Variants in POGLUT3 observed in about 807,000 individuals in gnomAD.
POGLUT3 encodes the protein protein O-glucosyltransferase 3.
A neutral mutation model predicts 54.3 loss-of-function variants in POGLUT3; 48 were observed. That is an observed-to-expected ratio of 0.88 (90% CI 0.70 to 1.12). The LOEUF is 1.12. Ranked by LOEUF, POGLUT3 falls within the 50% of genes most tolerant of loss-of-function variation. The pLI is 0.00. For synonymous variants in POGLUT3, 218 were observed against 237.4 expected, an observed-to-expected ratio of 0.92 and a Z score of 0.75; for missense variants, 629 against 618.7, an observed-to-expected ratio of 1.02 and a Z score of -0.18.
intron 2 of POGLUT3, 28 bp from the exon 3 acceptor site, chr11:108,486,468 G>A (rs373087341): frequency 1.2e-5 from 20 of 1,606,504 alleles, no homozygotes; most frequent in South Asian, 4.4e-5. Flanking sequence ...GAAAAAGGCC[G>A]CACTCCATTA....
At chr11:108,497,844 A>G (rs1345593147) in intron 1 of POGLUT3, among the ~76,000 whole-genome samples, 1 of 152,178 alleles carries the variant, frequency 6.6e-6, no homozygotes, top group Non-Finnish European at 1.5e-5. Flanking sequence ...TCAGACAACT[A>G]AGTCCGAGAT....
chr11:108,482,537 A>C (rs7932489), intron 3 of POGLUT3, among the ~76,000 whole-genome samples: 1 of 152,042 alleles, frequency 6.6e-6, no homozygotes, highest in Non-Finnish European at 1.5e-5. Context: ...GTGGATCGTC[A>C]GGAGTTCAAG....
chr11:108,479,809 A>G (rs1231484119), intron 5 of POGLUT3, among the ~76,000 whole-genome samples: 1 of 151,990 alleles, frequency 6.6e-6, no homozygotes, highest in East Asian at 1.9e-4. Flanking sequence ...TAGGAAAACT[A>G]TTTTCTTTTT....
chr11:108,486,181 C>G lies in POGLUT3; in HGVS notation c.660G>C (p.Glu220Asp). ...KYTDFKMFSD[E>D]ILLSLTRKVL... ...CCTTTCTTGTCAATGATAACAAAAT[C>G]TCATCAGAGAACATCTTGAAGTCTG... The change falls in exon 3 of 8, where the codon GAG becomes GAC. Residue 220 changes from glutamate to aspartate, a missense_variant. Transcript: ENST00000323468. The G allele has an allele frequency of 6.8e-6, 11 of 1,610,072 alleles. No homozygotes were observed. The highest frequency in any genetic ancestry group is 7.6e-6 in the Non-Finnish European group (9 of 1,176,772).
chr11:108,487,158 A>T (rs1180385122), intron 2 of POGLUT3, among the ~76,000 whole-genome samples: 5 of 152,158 alleles, frequency 3.3e-5, no homozygotes, highest in Non-Finnish European at 5.9e-5. Flanking sequence ...ACCAACTGCC[A>T]ATCAGAAAAC....
chr11:108,480,063 T>C (rs1381465171), intron 5 of POGLUT3, among the ~76,000 whole-genome samples: 4 of 152,204 alleles, frequency 2.6e-5, no homozygotes, highest in African/African-American at 9.6e-5. Flanking sequence ...CTCAAACTCC[T>C]GACCTCAGGT....
At chr11:108,486,467 C>T (rs200547156) in intron 2 of POGLUT3, 27 bp from the exon 3 acceptor site, 116 of 1,607,212 alleles carry the variant, frequency 7.2e-5, no homozygotes, top group East Asian at 2.7e-4. Flanking sequence ...TGAAAAAGGC[C>T]GCACTCCATT....
chr11:108,488,526 G>A (rs541012292), intron 2 of POGLUT3, among the ~76,000 whole-genome samples: 1 of 152,152 alleles, frequency 6.6e-6, no homozygotes, highest in Admixed American at 6.5e-5. Context: ...AGTCCAGGGA[G>A]ACCAAGGCAG....
In POGLUT3 at chr11:108,486,573, G is replaced by A. The variant is rs1213954530; in HGVS notation, c.401-133C>T. On this transcript the variant is annotated intron_variant, in intron 2 of 7. Transcript: ENST00000323468. ...AATCTGCCCTAGACAAATCAGTGGTGTAAGTGATTATGTTAGAGTCCTACA... is the reference window on the plus strand; with the variant it reads ...AATCTGCCCTAGACAAATCAGTGGTATAAGTGATTATGTTAGAGTCCTACA... 12 of 871,572 alleles carry A rather than the reference G, an allele frequency of 1.4e-5. No individual in the cohort carries two copies. In the Admixed American group the frequency reaches 2.0e-4, roughly 15 times the overall value. The allele number at this position is 871,572 out of a possible 1,614,324, so 54.0% of individuals were successfully genotyped here.
At position 108,481,575 on chromosome 11, in the gene POGLUT3, T is replaced by TA. The variant is rs1159442623; in HGVS notation, c.902-200dup. Among the ~76,000 whole-genome samples the TA allele has an allele frequency of 6.6e-5, 10 of 152,128 alleles. No homozygotes were observed. The South Asian group carries it at 1.2e-3, about 19-fold the overall frequency. ...CAGAAGCACTTTCAAGTTTAGAGTT[T>TA]AAAAAAAACAGTCTTTTTATTTGCT... On this transcript the variant is annotated intron_variant, in intron 4 of 7. Coordinates refer to ENST00000323468, the MANE Select transcript of POGLUT3 (RefSeq NM_153705.5).
chr11:108,475,463 G>GTTTTTTTTTTTTTTTT lies in POGLUT3; in HGVS notation c.1399-512_1399-511insAAAAAAAAAAAAAAAA, dbSNP rs367899085. On this transcript the variant is annotated intron_variant, in intron 7 of 7. Transcript: ENST00000323468. ...TATTTCTATAAATGGAGTTTTTTTT[G>GTTTTTTTTTTTTTTTT]TTTTTGTTTTTTTTTTTTTTTGAGA... Among the ~76,000 whole-genome samples the GTTTTTTTTTTTTTTTT allele has an allele frequency of 6.4e-5, 7 of 109,924 alleles. 1 individual carries two copies. Among genetic ancestry groups the GTTTTTTTTTTTTTTTT allele is most frequent in the Admixed American group, 2.0e-4 (2 of 9,950 alleles). 72.1% of individuals were successfully genotyped at this position (109,924 alleles called of 152,430 possible). A position where few individuals can be genotyped will look rare whatever the true frequency, so the allele number is the denominator to read the frequency against.
At chr11:108,493,803 C>CAAAA (rs11351337) in intron 1 of POGLUT3, among the ~76,000 whole-genome samples, 20 of 82,024 alleles carry the variant, frequency 2.4e-4, no homozygotes, top group Non-Finnish European at 2.9e-4. Flanking sequence ...GACTCTGTCT[C>CAAAA]AAAAAAAAAA....
rs771530413 is a variant in POGLUT3 at position 108,486,457 on chromosome 11, T to C, written c.401-17A>G. The C allele has an allele frequency of 6.2e-7, 1 of 1,608,596 alleles. No homozygotes were observed. Among genetic ancestry groups the C allele is most frequent in the East Asian group, 2.2e-5 (1 of 44,764 alleles). On this transcript the variant is annotated splice_polypyrimidine_tract_variant and intron_variant, in intron 2 of 7. Coordinates refer to ENST00000323468, the MANE Select transcript of POGLUT3 (RefSeq NM_153705.5). The stretch of plus-strand genomic sequence containing the variant: ...ACACTGGTCCTAGGGAAGGAAAACA[T>C]GAAAAAGGCCGCACTCCATTAGCAA...
chr11:108,472,828 C>A lies in POGLUT3; in HGVS notation c.*1999G>T, dbSNP rs886999861. 6.6e-6 allele frequency: 1 copy of A among 152,164 alleles called. No homozygotes were observed. Among genetic ancestry groups the A allele is most frequent in the African/African-American group, 2.4e-5 (1 of 41,444 alleles). The allele number at this position is 152,164 out of a possible 1,614,324, so 9.4% of individuals were successfully genotyped here. ...AAATTCATTAGGTATGGGCTCAGGA[C>A]AGCTTGCTCTTATTTAATACTTGCG... On this transcript the variant is annotated 3_prime_UTR_variant, in exon 8 of 8. Coordinates refer to ENST00000323468, the MANE Select transcript of POGLUT3 (RefSeq NM_153705.5).
Position 108,479,364 on chromosome 11 carries a change from C to T in POGLUT3, c.1230G>A (p.Trp410Ter). Residue 410 changes from tryptophan to a stop codon, truncating the protein, a stop_gained, in exon 6 of 8, where the codon TGG becomes TGA. Transcript: ENST00000323468. LOFTEE classifies it high-confidence loss of function. ...YEHFYMALEP[W>*]KHYVPIKRNL... ...TTCTTTTAATTGGAACATAATGCTT[C>T]CAAGGTTCTAGTGCCATGTAGAAAT... 3 of 1,612,768 alleles carry T rather than the reference C, an allele frequency of 1.9e-6. No individual in the cohort carries two copies. The highest frequency in any genetic ancestry group is 2.5e-6 in the Non-Finnish European group (3 of 1,179,794).
At chr11:108,475,012 C>A in intron 7 of POGLUT3, 60 bp from the exon 8 acceptor site, 1 of 1,548,832 alleles carries the variant, frequency 6.5e-7, no homozygotes, top group South Asian at 1.2e-5. Flanking sequence ...TGTTGACTCC[C>A]CCACCCACTC....
chr11:108,487,718 T>G (rs1240636447), intron 2 of POGLUT3, among the ~76,000 whole-genome samples: 1 of 151,944 alleles, frequency 6.6e-6, no homozygotes, highest in Non-Finnish European at 1.5e-5. Context: ...CTCAAGTGAT[T>G]CTCCTGCCTC....
intron 1 of POGLUT3, among the ~76,000 whole-genome samples, chr11:108,491,718 C>T (rs1379401916): frequency 2.6e-5 from 4 of 152,118 alleles, no homozygotes; most frequent in Admixed American, 2.6e-4. Flanking sequence ...ACGGATCAGA[C>T]TCAACATTTG....
intron 7 of POGLUT3, 46 bp from the exon 8 acceptor site, chr11:108,474,998 A>C (rs748396834): frequency 1.6e-5 from 25 of 1,601,244 alleles, no homozygotes; most frequent in Non-Finnish European, 2.1e-5. Flanking sequence ...TTCACACTGC[A>C]TTCTGTTGAC....
Sources: gnomAD v4.1 joint callset for allele counts (sites outside exome capture counted in the v4.1 genomes callset) on GRCh38, gnomAD v4.1.1 for gene constraint, MANE v1.5 for transcripts, NCBI Gene and HGNC (gene_info 2026-07-23, HGNC 2026-07-21) for gene names.